TCERG1: variants seen among roughly 807,000 people sequenced by gnomAD.
TCERG1 encodes the protein transcription elongation regulator 1, also known as TATA box binding protein (TBP)-associated factor, RNA polymerase II, S, 150kD.
A neutral mutation model predicts 144.7 loss-of-function variants in TCERG1; 37 were observed. The observed-to-expected ratio is 0.26, with a 90% CI of 0.20 to 0.34. The LOEUF is 0.34. TCERG1 is among the 10% of genes least tolerant of loss of function. The pLI is 1.00. For missense variants in TCERG1, 1,027 were observed against 1,380.7 expected, an observed-to-expected ratio of 0.74 and a Z score of 4.06; for synonymous variants, 492 against 458.2, an observed-to-expected ratio of 1.07 and a Z score of -0.94.
In TCERG1 at chr5:146,459,427, G is replaced by T. The variant is rs1763154381; in HGVS notation, c.892+90G>T. 6 of 1,520,614 alleles carry T rather than the reference G, an allele frequency of 3.9e-6. No homozygotes were observed. In the South Asian group the frequency reaches 5.3e-5, roughly 13 times the overall value. 94.2% of individuals were successfully genotyped at this position (1,520,614 alleles called of 1,614,324 possible). ...TTTCATATTGATCCCAGTGTTTCTG[G>T]TATTATCCTTTAATACCAGAATTAT... On this transcript the variant is annotated intron_variant, in intron 4 of 22. Transcript: ENST00000679501.
intron 19 of TCERG1, among the ~76,000 whole-genome samples, chr5:146,506,132 G>A (rs546859384): frequency 6.6e-6 from 1 of 152,162 alleles, no homozygotes; most frequent in African/African-American, 2.4e-5. Context: ...GTCTTATTTT[G>A]TAATCTTATT....
chr5:146,459,105 G>A lies in TCERG1; in HGVS notation c.660G>A (p.Gln220=), dbSNP rs757169617. 17 of 1,574,380 alleles carry A rather than the reference G, an allele frequency of 1.1e-5. No individual in the cohort carries two copies. The highest frequency in any genetic ancestry group is 7.0e-5 in the African/African-American group (5 of 71,038). The change falls in exon 4 of 23, where the codon CAG becomes CAA. Residue 220 remains glutamine (Q), a synonymous_variant. Transcript: ENST00000679501. ...AGGCCCAGGCCCAGGCCCAGGCCCA[G>A]GCCCAAGCCCAAGCCCAGGCCCAGG... ...QAQAQAQAQA[Q]AQAQAQAQAQ...
At chr5:146,447,701 G>A (rs1454247235) in intron 1 of TCERG1, among the ~76,000 whole-genome samples, 11 of 152,192 alleles carry the variant, frequency 7.2e-5, no homozygotes, top group Admixed American at 7.2e-4. Flanking sequence ...TCCCGCCTTT[G>A]GGCCCCGCCT....
At chr5:146,463,209 AT>A (rs1561645908) in intron 4 of TCERG1, among the ~76,000 whole-genome samples, 4 of 151,706 alleles carry the variant, frequency 2.6e-5, no homozygotes, top group African/African-American at 9.7e-5. Flanking sequence ...TCACTGGTTT[AT>A]TTTTTTCTTC....
At chr5:146,486,667 A>G (rs1765863372) in intron 15 of TCERG1, among the ~76,000 whole-genome samples, 1 of 152,206 alleles carries the variant, frequency 6.6e-6, no homozygotes, top group African/African-American at 2.4e-5. Context: ...TAGGCAAGAG[A>G]AAGAAATAGA....
chr5:146,455,422 T>C, intron 2 of TCERG1, 141 bp downstream of exon 2: 1 of 961,698 alleles, frequency 1.0e-6, no homozygotes. Flanking sequence ...TATATTAATA[T>C]GTTTCTTCTG....
At chr5:146,453,437 C>T (rs1169541620) in intron 1 of TCERG1, among the ~76,000 whole-genome samples, 2 of 152,174 alleles carry the variant, frequency 1.3e-5, no homozygotes, top group Non-Finnish European at 2.9e-5. Context: ...TAAGGTATAC[C>T]TATGGCTTTT....
chr5:146,452,880 C>T (rs1392624016), intron 1 of TCERG1, among the ~76,000 whole-genome samples: 1 of 152,140 alleles, frequency 6.6e-6, no homozygotes, highest in Non-Finnish European at 1.5e-5. Context: ...CGCGAGCCAC[C>T]GTGGGCCACC....
chr5:146,495,259 C>T (rs1450173045), intron 16 of TCERG1, among the ~76,000 whole-genome samples: 2 of 152,116 alleles, frequency 1.3e-5, no homozygotes, highest in Admixed American at 6.5e-5. Flanking sequence ...ATACTTACTA[C>T]GTGAGCATCC....
chr5:146,466,082 G>C (rs1319429633), intron 5 of TCERG1, among the ~76,000 whole-genome samples: 2 of 149,948 alleles, frequency 1.3e-5, no homozygotes, highest in African/African-American at 4.9e-5. Flanking sequence ...AAGACTTTTT[G>C]GTATTGATAT....
intron 19 of TCERG1, 44 bp from the exon 20 acceptor site, chr5:146,506,984 A>G: frequency 6.8e-7 from 1 of 1,467,734 alleles, no homozygotes; most frequent in Non-Finnish European, 9.1e-7. Flanking sequence ...ATGGACATTC[A>G]GATAAGTCTC....
At chr5:146,449,954 C>T (rs922151252) in intron 1 of TCERG1, among the ~76,000 whole-genome samples, 1 of 152,080 alleles carries the variant, frequency 6.6e-6, no homozygotes, top group East Asian at 1.9e-4. Context: ...AAATATTTTT[C>T]TGTGCTATCA....
intron 9 of TCERG1, among the ~76,000 whole-genome samples, chr5:146,473,472 G>A (rs113918171): frequency 2.6e-5 from 4 of 152,196 alleles, no homozygotes; most frequent in Non-Finnish European, 5.9e-5. Flanking sequence ...TAAGGTTATC[G>A]ATGAGGGCAA....
chr5:146,483,488 T>C, intron 14 of TCERG1, 52 bp from the exon 15 acceptor site: 1 of 1,517,280 alleles, frequency 6.6e-7, no homozygotes, highest in South Asian at 1.2e-5. Flanking sequence ...ATTATGACCT[T>C]TATATTTTTA....
chr5:146,488,460 A>G (rs1375035422), intron 15 of TCERG1, among the ~76,000 whole-genome samples: 3 of 152,216 alleles, frequency 2.0e-5, no homozygotes, highest in Non-Finnish European at 2.9e-5. Context: ...CAAATGGCCA[A>G]TAAATATATG....
intron 15 of TCERG1, 113 bp from the exon 16 acceptor site, chr5:146,492,805 TAC>T (rs1436160390): frequency 1.4e-6 from 1 of 696,662 alleles, no homozygotes. Flanking sequence ...TATAATTATC[TAC>T]AGTTAATATA....
chr5:146,475,932 A>G (rs954265178), intron 9 of TCERG1, among the ~76,000 whole-genome samples: 4 of 152,138 alleles, frequency 2.6e-5, no homozygotes, highest in East Asian at 1.9e-4. Flanking sequence ...TTTTTAATCT[A>G]TTGCAGTTTT....
intron 15 of TCERG1, among the ~76,000 whole-genome samples, chr5:146,488,194 A>G (rs1348665975): frequency 6.6e-6 from 1 of 152,228 alleles, no homozygotes; most frequent in African/African-American, 2.4e-5. Flanking sequence ...TGACTGGGAA[A>G]AGATTTTACA....
At chr5:146,450,226 A>G (rs886936716) in intron 1 of TCERG1, among the ~76,000 whole-genome samples, 43 of 152,262 alleles carry the variant, frequency 2.8e-4, no homozygotes, top group African/African-American at 9.6e-4. Flanking sequence ...AATGATCCTG[A>G]GAGGGCCTGT....
Sources: allele counts gnomAD v4.1 joint callset (sites outside exome capture counted in the v4.1 genomes callset), GRCh38; gene constraint gnomAD v4.1.1; transcripts MANE v1.5; gene names NCBI Gene and HGNC (gene_info 2026-07-23, HGNC 2026-07-21).